Variants in FYCO1 observed in about 807,000 individuals in gnomAD.
The protein encoded by FYCO1 is FYVE and coiled-coil domain autophagy adaptor 1, also known as FYVE and coiled-coil domain-containing protein 1.
FYCO1 carries 122 observed loss-of-function variants against 165.1 expected under a neutral mutation model. The observed-to-expected ratio is 0.74, with a 90% CI of 0.64 to 0.86. The LOEUF is 0.86. Ranked by LOEUF, FYCO1 falls within the 40% of genes least tolerant of loss-of-function variation. The probability of loss-of-function intolerance (pLI) is 0.00; values close to 1 mark genes in which losing one functional copy is unlikely to be tolerated. For synonymous variants in FYCO1, 648 were observed against 742.5 expected (o/e 0.87, Z 2.07); for missense variants, 1,702 against 1,810.3 (o/e 0.94, Z 1.09).
At chr3:45,928,653 C>T (rs1703437107) in intron 16 of FYCO1, among the ~76,000 whole-genome samples, 2 of 152,184 alleles carry the variant, frequency 1.3e-5, no homozygotes. Context: ...TCCCTCGCCT[C>T]ACCTCACAAT....
At chr3:45,946,655 C>G (rs1704629471) in intron 14 of FYCO1, 2 of 1,614,100 alleles carry the variant, frequency 1.2e-6, no homozygotes, top group Non-Finnish European at 1.7e-6. Context: ...TATCCATCTT[C>G]TACCATAAGT....
chr3:45,927,674 C>T (rs931848653), intron 16 of FYCO1, among the ~76,000 whole-genome samples: 2 of 152,214 alleles, frequency 1.3e-5, no homozygotes, highest in African/African-American at 4.8e-5. Flanking sequence ...CTATCACATT[C>T]TAGTTCCACC....
At chr3:45,977,284 C>T (rs1314778652) in intron 4 of FYCO1, among the ~76,000 whole-genome samples, 1 of 137,400 alleles carries the variant, frequency 7.3e-6, no homozygotes, top group Non-Finnish European at 1.6e-5. Flanking sequence ...GCCTTTAGAA[C>T]ATCAAAACTT....
At chr3:45,982,152 C>T (rs763547156) in intron 2 of FYCO1, among the ~76,000 whole-genome samples, 3 of 152,138 alleles carry the variant, frequency 2.0e-5, no homozygotes, top group Admixed American at 6.5e-5. Flanking sequence ...CAATGACAAC[C>T]GCACCTGCTT....
chr3:45,979,961 T>C (rs1253548550), intron 3 of FYCO1, 131 bp from the exon 4 acceptor site: 2 of 1,131,278 alleles, frequency 1.8e-6, no homozygotes, highest in African/African-American at 1.5e-5. Context: ...GCATTATTTT[T>C]ATTTATTGGC....
At chr3:45,975,568 T>C (rs978502687) in intron 4 of FYCO1, among the ~76,000 whole-genome samples, 1 of 152,212 alleles carries the variant, frequency 6.6e-6, no homozygotes, top group African/African-American at 2.4e-5. Flanking sequence ...CTGAGAATAA[T>C]CTGCAGACTC....
chr3:45,963,979 C>G (rs542210444), intron 10 of FYCO1, among the ~76,000 whole-genome samples: 2 of 152,186 alleles, frequency 1.3e-5, no homozygotes, highest in Admixed American at 1.3e-4. Flanking sequence ...AAAACAGAGT[C>G]GGCCACGTTT....
intron 2 of FYCO1, among the ~76,000 whole-genome samples, chr3:45,984,130 G>C (rs537238186): frequency 5.3e-5 from 8 of 152,324 alleles, no homozygotes; most frequent in Non-Finnish European, 1.2e-4. Flanking sequence ...GCTCCGAAGA[G>C]CTTAAAGGTC....
rs1441307845 is a variant in FYCO1, at chr3:45,917,928, TA to T, written c.*3836del. ...TAAATGTCATAGTGTTTACTTTATTTAAATCCTGAGGTTAAAAATAAAGTAT... is the reference window on the plus strand; with the variant it reads ...TAAATGTCATAGTGTTTACTTTATTTAATCCTGAGGTTAAAAATAAAGTAT... On this transcript the variant is annotated 3_prime_UTR_variant, in exon 18 of 18. Coordinates refer to ENST00000296137, the MANE Select transcript of FYCO1 (RefSeq NM_024513.4). The surrounding 1 kb of genome is among the most constrained non-coding windows in gnomAD (Gnocchi z 4.2). The T allele has an allele frequency of 6.6e-6, 1 of 152,624 alleles. No homozygotes were observed. 9.5% of individuals were successfully genotyped at this position (152,624 alleles called of 1,614,324 possible). A position where few individuals can be genotyped will look rare whatever the true frequency, so the allele number is the denominator to read the frequency against.
intron 1 of FYCO1, among the ~76,000 whole-genome samples, chr3:45,989,394 C>T (rs1172326750): frequency 1.3e-5 from 2 of 152,212 alleles, no homozygotes; most frequent in South Asian, 2.1e-4. Context: ...CCTGCAGCTT[C>T]GAAGGCCTGG....
At chr3:45,925,727 T>C (rs190292616) in intron 16 of FYCO1, among the ~76,000 whole-genome samples, 1 of 151,784 alleles carries the variant, frequency 6.6e-6, no homozygotes, top group Admixed American at 6.6e-5. Flanking sequence ...TACACTGGGG[T>C]GAGAGTACCA....
rs761181622 is a variant in FYCO1 at position 45,946,725 on chromosome 3, T to C, written c.3944+8524A>G. ...ACCCCTGGCTGACCTGGTGTTTGTC[T>C]GCACTCTGCCCTTCTGGGCCTATGC... is the stretch of plus-strand genomic sequence containing the variant. On this transcript the variant is annotated intron_variant, in intron 14 of 17. Coordinates refer to ENST00000296137, the MANE Select transcript of FYCO1 (RefSeq NM_024513.4). 1.2e-5 allele frequency: 20 copies of C among 1,614,244 alleles called. No homozygotes were observed. In the South Asian group the frequency reaches 2.2e-4, roughly 18 times the overall value.
rs780343142 is a variant in FYCO1, at chr3:45,962,353, T to C, written c.3309A>G (p.Gln1103=). 2.5e-6 allele frequency: 4 copies of C among 1,614,190 alleles called. No individual in the cohort carries two copies. The highest frequency in any genetic ancestry group is 3.4e-6 in the Non-Finnish European group (4 of 1,180,034). Reference sequence around the variant, plus strand: ...CCTGGCAGAGTTTGTTGTAATACTCTTGGATTTTTGTTGTGGCTTTTTCGA... The same window carrying C: ...CCTGGCAGAGTTTGTTGTAATACTCCTGGATTTTTGTTGTGGCTTTTTCGA... ...KELEKATTKI[Q]EYYNKLCQEV... is the part of the protein sequence containing the mutation. The change falls in exon 11 of 18, where the codon CAA becomes CAG. Residue 1103 remains glutamine (Q), a synonymous_variant. Transcript: ENST00000296137. The surrounding 1 kb of genome is among the most constrained non-coding windows in gnomAD (Gnocchi z 4.4).
chr3:45,978,001 C>T (rs1706857539), intron 4 of FYCO1, among the ~76,000 whole-genome samples: 1 of 152,186 alleles, frequency 6.6e-6, no homozygotes, highest in Non-Finnish European at 1.5e-5. Context: ...GAAGCAGAGC[C>T]TATGCCAGCC....
intron 15 of FYCO1, among the ~76,000 whole-genome samples, chr3:45,932,817 G>C (rs1703697068): frequency 6.6e-6 from 1 of 152,170 alleles, no homozygotes; most frequent in South Asian, 2.1e-4. Context: ...TTCTAATTAA[G>C]AACCCTCGAC....
At chr3:45,974,254 T>C (rs558149120) in intron 5 of FYCO1, among the ~76,000 whole-genome samples, 1 of 152,166 alleles carries the variant, frequency 6.6e-6, no homozygotes, top group Non-Finnish European at 1.5e-5. Context: ...GGTAAATGCC[T>C]ATCCAGCTAC....
intron 4 of FYCO1, among the ~76,000 whole-genome samples, chr3:45,977,288 A>C (rs2125864694): frequency 7.5e-6 from 1 of 132,458 alleles, no homozygotes; most frequent in Admixed American, 8.0e-5. Context: ...TTAGAACATC[A>C]AAACTTTTTT....
rs1251208729 is a variant in FYCO1 at position 45,919,909 on chromosome 3, C to T, written c.*1856G>A. 1.7e-4 allele frequency: 26 copies of T among 152,224 alleles called. No homozygotes were observed. The allele number at this position is 152,224 out of a possible 1,614,324, so 9.4% of individuals were successfully genotyped here. On this transcript the variant is annotated 3_prime_UTR_variant, in exon 18 of 18. Coordinates refer to ENST00000296137, the MANE Select transcript of FYCO1 (RefSeq NM_024513.4). Reference sequence around the variant, plus strand: ...AGAAGAGTCGCTGGGGGCCTGGCCACCTCTATTCCAGTACTAAGCATGGTC... The same window carrying T: ...AGAAGAGTCGCTGGGGGCCTGGCCATCTCTATTCCAGTACTAAGCATGGTC...
intron 14 of FYCO1, among the ~76,000 whole-genome samples, chr3:45,944,808 A>G (rs1320734102): frequency 6.6e-6 from 1 of 152,220 alleles, no homozygotes; most frequent in Non-Finnish European, 1.5e-5. Flanking sequence ...GTCAAGCAAT[A>G]ATGGGGAGCT....
Sources: allele counts gnomAD v4.1 joint callset (sites outside exome capture counted in the v4.1 genomes callset), GRCh38; gene constraint gnomAD v4.1.1; non-coding constraint Gnocchi (gnomAD v3.1); transcripts MANE v1.5; gene names NCBI Gene and HGNC (gene_info 2026-07-23, HGNC 2026-07-21).